CDK2AP1: variants seen among roughly 807,000 people sequenced by gnomAD.
CDK2AP1 encodes cyclin dependent kinase 2 associated protein 1.
Under a neutral mutation model 14.1 loss-of-function variants are expected in CDK2AP1, and 10 were observed. The ratio of observed to expected loss-of-function variants is 0.71; its 90% confidence interval spans 0.44 to 1.20. The LOEUF is 1.20. Among genes scored for constraint, CDK2AP1 ranks in the 50% most tolerant of loss-of-function variants. The pLI is 0.00. For synonymous variants in CDK2AP1, 59 were observed against 59.8 expected, an observed-to-expected ratio of 0.99 and a Z score of 0.06; for missense variants, 102 against 149.9, an observed-to-expected ratio of 0.68 and a Z score of 1.67.
chr12:123,265,050 C>T lies in CDK2AP1; in HGVS notation c.280+146G>A, dbSNP rs2048275793. ...ACCCATCGCCTGCCTGAGGCCTCCACCACAGACGGCAACTCTGTAACAAGA... is the reference window on the plus strand; with the variant it reads ...ACCCATCGCCTGCCTGAGGCCTCCATCACAGACGGCAACTCTGTAACAAGA... On this transcript the variant is annotated intron_variant, in intron 3 of 3. Coordinates refer to ENST00000261692, the MANE Select transcript of CDK2AP1 (RefSeq NM_004642.4). The surrounding 1 kb of genome is among the most constrained non-coding windows in gnomAD (Gnocchi z 5.3). 5 of 1,174,356 alleles carry T rather than the reference C, an allele frequency of 4.3e-6. No individual in the cohort carries two copies. The South Asian group carries it at 6.9e-5, about 16-fold the overall frequency. 72.7% of individuals were successfully genotyped at this position (1,174,356 alleles called of 1,614,324 possible).
chr12:123,262,133 G>A (rs1407692673), intron 3 of CDK2AP1: 1 of 233,912 alleles, frequency 4.3e-6, no homozygotes, highest in African/African-American at 2.2e-5. Flanking sequence ...CCACTATGGA[G>A]ATTTTTCTCT....
chr12:123,262,206 C>G (rs1593293526), intron 3 of CDK2AP1: 2 of 169,588 alleles, frequency 1.2e-5, no homozygotes, highest in African/African-American at 4.8e-5. Flanking sequence ...AGAATGGCTT[C>G]AGCTGCACAC....
intron 1 of CDK2AP1, chr12:123,268,142 A>T: frequency 1.0e-6 from 1 of 967,978 alleles, no homozygotes; most frequent in Non-Finnish European, 1.2e-6. Context: ...GCAGAATGAC[A>T]AACAGCGGTA....
intron 1 of CDK2AP1, chr12:123,270,783 T>TG: frequency 1.0e-6 from 1 of 965,900 alleles, no homozygotes. Context: ...GGCCAGCCCT[T>TG]GGGGGCTCCC....
chr12:123,270,146 GC>G, intron 1 of CDK2AP1: 1 of 926,226 alleles, frequency 1.1e-6, no homozygotes, highest in Non-Finnish European at 1.3e-6. Flanking sequence ...CTCCCCACAG[GC>G]CAGAGGAAGA....
In CDK2AP1 at chr12:123,261,482, C is replaced by T. The variant is rs1042712907; in HGVS notation, c.*254G>A. 3.6e-5 allele frequency: 15 copies of T among 421,270 alleles called. No individual in the cohort carries two copies. The highest frequency in any genetic ancestry group is 1.7e-4 in the South Asian group (6 of 35,228). 26.1% of individuals were successfully genotyped at this position (421,270 alleles called of 1,614,324 possible). A position where few individuals can be genotyped will look rare whatever the true frequency, so the allele number is the denominator to read the frequency against. ...TACAGTTTGCTGTAAGATAACTTTC[C>T]GTGCATCTTTTAAATCAATGCTTAA... On this transcript the variant is annotated 3_prime_UTR_variant, in exon 4 of 4. Transcript: ENST00000261692.
chr12:123,264,195 A>C (rs2048263253), intron 3 of CDK2AP1, among the ~76,000 whole-genome samples: 2 of 150,772 alleles, frequency 1.3e-5, no homozygotes, highest in Non-Finnish European at 3.0e-5. Flanking sequence ...GTGGTGGCTC[A>C]CGCCTGTAAT....
intron 1 of CDK2AP1, chr12:123,270,833 G>T (rs1441767895): frequency 1.0e-6 from 1 of 985,142 alleles, no homozygotes; most frequent in Non-Finnish European, 1.2e-6. Flanking sequence ...CCACGCCCGC[G>T]CGCGGGCCCC....
chr12:123,264,898 C>T (rs1042953376), intron 3 of CDK2AP1, among the ~76,000 whole-genome samples: 2 of 152,094 alleles, frequency 1.3e-5, no homozygotes, highest in Non-Finnish European at 2.9e-5. Context: ...GGGGGCACTT[C>T]GAACACACCC....
intron 1 of CDK2AP1, among the ~76,000 whole-genome samples, chr12:123,271,344 C>A (rs2048352226): frequency 6.8e-6 from 1 of 147,386 alleles, no homozygotes; most frequent in South Asian, 2.1e-4. Context: ...GGGCCGCCCG[C>A]CCCGCACCCC....
At chr12:123,270,689 T>C (rs2048346040) in intron 1 of CDK2AP1, among the ~76,000 whole-genome samples, 2 of 151,858 alleles carry the variant, frequency 1.3e-5, no homozygotes, top group African/African-American at 2.4e-5. Flanking sequence ...TCTGGAGGAG[T>C]TTCCTGGGAG....
At chr12:123,266,200 TGTC>T (rs1330123791) in intron 2 of CDK2AP1, among the ~76,000 whole-genome samples, 2 of 152,324 alleles carry the variant, frequency 1.3e-5, no homozygotes, top group Admixed American at 1.3e-4. Flanking sequence ...CGCTCTGTCC[TGTC>T]CTCGTCCTGC....
Position 123,267,255 on chromosome 12 carries a change from C to G in CDK2AP1, c.83G>C (p.Ser28Thr), listed in dbSNP as rs776313967. Reference protein sequence around the residue: ...AAGSVHSPSTSMATSSQYRQL... With the variant: ...AAGSVHSPSTTMATSSQYRQL... Reference sequence around the variant, plus strand: ...GCGGTACTGTGAAGACGTTGCCATGCTGGTGGAAGGCGAGTGGACACTCCC... The same window carrying G: ...GCGGTACTGTGAAGACGTTGCCATGGTGGTGGAAGGCGAGTGGACACTCCC... The change falls in exon 2 of 4, where the codon AGC becomes ACC. Residue 28 changes from serine (S) to threonine (T), a missense_variant. Physicochemically the swap from Ser to Thr is moderately conservative, Grantham distance 58. Coordinates refer to ENST00000261692, the MANE Select transcript of CDK2AP1 (RefSeq NM_004642.4). 3 of 1,613,062 alleles carry G rather than the reference C, an allele frequency of 1.9e-6. No individual in the cohort carries two copies. Among genetic ancestry groups the G allele is most frequent in the Non-Finnish European group, 2.5e-6 (3 of 1,179,278 alleles).
intron 1 of CDK2AP1, 177 bp from the exon 2 acceptor site, chr12:123,267,459 T>C (rs2048309207): frequency 3.5e-6 from 2 of 567,730 alleles, no homozygotes; most frequent in South Asian, 3.8e-5. Context: ...GAAATGTAGC[T>C]ACAAGGCACC....
chr12:123,267,715 G>A (rs1396413910), intron 1 of CDK2AP1: 1 of 179,482 alleles, frequency 5.6e-6, no homozygotes, highest in African/African-American at 2.4e-5. Context: ...TTGCTTCTAT[G>A]CGCTCAAATC....
intron 1 of CDK2AP1, chr12:123,270,258 C>A: frequency 1.1e-5 from 10 of 910,838 alleles, no homozygotes; most frequent in Non-Finnish European, 1.3e-5. Context: ...TGGCTGTTTG[C>A]TCTTTGGGAC....
intron 1 of CDK2AP1, chr12:123,267,577 C>T: frequency 8.3e-6 from 3 of 360,796 alleles, no homozygotes; most frequent in Non-Finnish European, 1.6e-5. Flanking sequence ...ATTATTGCCA[C>T]TCCTGGCCTG....
intron 1 of CDK2AP1, among the ~76,000 whole-genome samples, chr12:123,270,583 G>A (rs1268782271): frequency 1.3e-5 from 2 of 152,016 alleles, no homozygotes; most frequent in African/African-American, 2.4e-5. Context: ...CCCCAGTGAG[G>A]TCACAAAGCC....
At chr12:123,266,630 G>T (rs2048298621) in intron 2 of CDK2AP1, among the ~76,000 whole-genome samples, 2 of 152,236 alleles carry the variant, frequency 1.3e-5, no homozygotes. Context: ...ATCACCCTTG[G>T]GCTGATGAGG....
Sources: allele counts gnomAD v4.1 joint callset (sites outside exome capture counted in the v4.1 genomes callset), GRCh38; gene constraint gnomAD v4.1.1; non-coding constraint Gnocchi (gnomAD v3.1); transcripts MANE v1.5; gene names NCBI Gene and HGNC (gene_info 2026-07-23, HGNC 2026-07-21).